VAV2: variants seen among roughly 807,000 people sequenced by gnomAD.
The protein encoded by VAV2 is guanine nucleotide exchange factor VAV2.
Under a neutral mutation model 132.5 loss-of-function variants are expected in VAV2, and 67 were observed. The observed-to-expected ratio is 0.51, with a 90% CI of 0.42 to 0.62. The LOEUF (loss-of-function observed/expected upper bound fraction) is 0.62, where lower values mean the gene tolerates loss of function less well. Among genes scored for constraint, VAV2 ranks in the 20% least tolerant of loss-of-function variants. The probability of loss-of-function intolerance (pLI) is 0.00; values close to 1 mark genes in which losing one functional copy is unlikely to be tolerated. For synonymous variants in VAV2, 492 were observed against 443.5 expected, an observed-to-expected ratio of 1.11 and a Z score of -1.37; for missense variants, 938 against 1,153.6, an observed-to-expected ratio of 0.81 and a Z score of 2.71.
At chr9:133,837,522 C>A (rs1036634648) in intron 3 of VAV2, among the ~76,000 whole-genome samples, 13 of 152,016 alleles carry the variant, frequency 8.6e-5, no homozygotes, top group Admixed American at 6.6e-5. Flanking sequence ...TACGGTGAAA[C>A]CCCGTCTCTA....
chr9:133,772,100 C>CGGT (rs1833650893), intron 25 of VAV2, 54 bp from the exon 26 acceptor site: 36 of 1,486,564 alleles, frequency 2.4e-5, no homozygotes, highest in South Asian at 4.5e-5. Context: ...ACGGCCCCGG[C>CGGT]CCCCTTGGCA....
chr9:133,917,403 A>G (rs954721190), intron 2 of VAV2, among the ~76,000 whole-genome samples: 1 of 150,890 alleles, frequency 6.6e-6, no homozygotes, highest in Non-Finnish European at 1.5e-5. Flanking sequence ...CTTAACAGAG[A>G]GCTGGGAACC....
intron 2 of VAV2, among the ~76,000 whole-genome samples, chr9:133,900,590 C>T (rs1190602124): frequency 2.6e-5 from 4 of 151,722 alleles, no homozygotes; most frequent in East Asian, 1.9e-4. Context: ...AAGGAAGGGG[C>T]GCGGCTCAGA....
intron 15 of VAV2, among the ~76,000 whole-genome samples, chr9:133,787,611 G>A (rs373616998): frequency 2.7e-5 from 3 of 111,858 alleles, no homozygotes; most frequent in East Asian, 2.4e-4. Flanking sequence ...CCTGACCCCC[G>A]CCCCCCACCC....
At chr9:133,782,343 C>T (rs988947852) in intron 19 of VAV2, among the ~76,000 whole-genome samples, 4 of 151,968 alleles carry the variant, frequency 2.6e-5, no homozygotes, top group Non-Finnish European at 5.9e-5. Flanking sequence ...CACGAGAGGG[C>T]AGTATTGATG....
chr9:133,830,904 C>A (rs1443889926), intron 4 of VAV2, among the ~76,000 whole-genome samples: 1 of 152,092 alleles, frequency 6.6e-6, no homozygotes, highest in African/African-American at 2.4e-5. Context: ...GACCAAATTG[C>A]AAGTTAAAGA....
intron 2 of VAV2, among the ~76,000 whole-genome samples, chr9:133,932,596 C>G (rs1260295861): frequency 6.6e-6 from 1 of 152,200 alleles, no homozygotes; most frequent in East Asian, 1.9e-4. Context: ...TTCACCGAGT[C>G]CTTTACAGCA....
rs74433831 is a variant in VAV2, at chr9:133,895,030, G to A, written c.322-33598C>T. ...ATGTTCTGAAGATCGCGTGGGGGGC[G>A]TCCGGAGATGGTGTGGGAGAGGGCG... On this transcript the variant is annotated intron_variant, in intron 2 of 29. Transcript: ENST00000371850. Among the ~76,000 whole-genome samples the A allele has an allele frequency of 5.9e-3, 901 of 152,094 alleles. 8 individuals carry two copies. The highest frequency in any genetic ancestry group is 0.031 in the Middle Eastern group (9 of 294).
chr9:133,904,698 G>C (rs1839576140), intron 2 of VAV2, among the ~76,000 whole-genome samples: 1 of 152,236 alleles, frequency 6.6e-6, no homozygotes, highest in East Asian at 1.9e-4. Context: ...TGTGCAGCCA[G>C]GGCTCCGTCC....
intron 1 of VAV2, among the ~76,000 whole-genome samples, chr9:133,953,493 C>T (rs186332777): frequency 1.8e-4 from 27 of 152,220 alleles, no homozygotes; most frequent in African/African-American, 6.5e-4. Flanking sequence ...GACCCTGGAC[C>T]CTGGGCCTGG....
rs185786049 is a variant in VAV2, at chr9:133,942,305, G to A, written c.205-3086C>T. The stretch of plus-strand genomic sequence containing the variant: ...AAGGGTGGCCACCGTTGCCAGAAGC[G>A]GGAGAGGGCGTGGGACGGGCTCTCC... On this transcript the variant is annotated intron_variant, in intron 1 of 29. Transcript: ENST00000371850. Among the ~76,000 whole-genome samples, 313 of 152,338 alleles carry A rather than the reference G, an allele frequency of 2.1e-3. 2 individuals carry two copies. The highest frequency in any genetic ancestry group is 4.0e-3 in the African/African-American group (167 of 41,588).
intron 4 of VAV2, among the ~76,000 whole-genome samples, chr9:133,821,601 A>G (rs1835789253): frequency 6.6e-6 from 1 of 152,222 alleles, no homozygotes; most frequent in South Asian, 2.1e-4. Context: ...CATTTAGCAC[A>G]GGGGCCGGTC....
At chr9:133,946,506 G>A (rs1449678152) in intron 1 of VAV2, among the ~76,000 whole-genome samples, 3 of 152,210 alleles carry the variant, frequency 2.0e-5, no homozygotes, top group Non-Finnish European at 4.4e-5. Flanking sequence ...TGCGGCAAAG[G>A]CTCCAGGAAG....
At position 133,770,511 on chromosome 9, in the gene VAV2, G is replaced by C. The variant is rs369604164; in HGVS notation, c.2224-10C>G. On this transcript the variant is annotated splice_polypyrimidine_tract_variant and intron_variant, in intron 26 of 29. Coordinates refer to ENST00000371850, the MANE Select transcript of VAV2 (RefSeq NM_001134398.2). ...AGTACTCCACCAACTCCTGCAGGGC[G>C]TACACACTCACTGACAGCTGCTGCC... 12 of 1,613,274 alleles carry C rather than the reference G, an allele frequency of 7.4e-6. No homozygotes were observed. Among genetic ancestry groups the C allele is most frequent in the Non-Finnish European group, 1.0e-5 (12 of 1,179,478 alleles).
intron 2 of VAV2, among the ~76,000 whole-genome samples, chr9:133,920,641 C>T (rs376912982): frequency 6.6e-6 from 1 of 152,316 alleles, no homozygotes; most frequent in African/African-American, 2.4e-5. Context: ...CATCCAGGAC[C>T]AGGTCCCGCC....
rs1421143992 is a variant in VAV2 at position 133,784,421 on chromosome 9, G to A, written c.1533-3C>T. 1.2e-6 allele frequency: 2 copies of A among 1,613,984 alleles called. No individual in the cohort carries two copies. The highest frequency in any genetic ancestry group is 3.3e-5 in the Admixed American group (2 of 60,006). ...CTTTGTCTGGCTTGATGTTTGACCTGGCAGGAGGGAAAGAGAGCAGATGCT... is the reference window on the plus strand; with the variant it reads ...CTTTGTCTGGCTTGATGTTTGACCTAGCAGGAGGGAAAGAGAGCAGATGCT... On this transcript the variant is annotated splice_polypyrimidine_tract_variant and splice_region_variant and intron_variant, in intron 17 of 29. Transcript: ENST00000371850.
chr9:133,811,785 C>T (rs1430200736), intron 5 of VAV2, among the ~76,000 whole-genome samples: 2 of 152,232 alleles, frequency 1.3e-5, no homozygotes, highest in Non-Finnish European at 2.9e-5. Context: ...GAGGGGCCTG[C>T]AAGCCCTTGG....
chr9:133,951,289 C>T (rs921949906), intron 1 of VAV2, among the ~76,000 whole-genome samples: 3 of 152,210 alleles, frequency 2.0e-5, no homozygotes, highest in African/African-American at 4.8e-5. Context: ...AATTGCCAAA[C>T]GGGCAACTAC....
At chr9:133,908,363 C>A (rs1839750715) in intron 2 of VAV2, among the ~76,000 whole-genome samples, 1 of 152,072 alleles carries the variant, frequency 6.6e-6, no homozygotes, top group Non-Finnish European at 1.5e-5. Flanking sequence ...AAAGCTGAAA[C>A]CCCCCATGCG....
Sources: allele counts gnomAD v4.1 joint callset (sites outside exome capture counted in the v4.1 genomes callset), GRCh38; gene constraint gnomAD v4.1.1; transcripts MANE v1.5; gene names NCBI Gene and HGNC (gene_info 2026-07-23, HGNC 2026-07-21).